Variants in ARHGEF3 observed in about 807,000 individuals in gnomAD.
The protein encoded by ARHGEF3 is 59.8 kDA protein.
Under a neutral mutation model 63.2 loss-of-function variants are expected in ARHGEF3, and 28 were observed. The ratio of observed to expected loss-of-function variants is 0.44; its 90% CI spans 0.33 to 0.61. ARHGEF3 has a LOEUF of 0.61. ARHGEF3 is among the 20% of genes least tolerant of loss of function. ARHGEF3 has a pLI of 0.03. For missense variants in ARHGEF3, 533 were observed against 659.3 expected (o/e 0.81, Z 2.10); for synonymous variants, 266 against 254.2 (o/e 1.05, Z -0.44).
intron 8 of ARHGEF3, among the ~76,000 whole-genome samples, chr3:56,735,856 C>T (rs2033583384): frequency 6.6e-6 from 1 of 152,198 alleles, no homozygotes; most frequent in Non-Finnish European, 1.5e-5. Flanking sequence ...AACATGTACT[C>T]ACTAATTTCA....
chr3:57,073,989 A>T (rs1192671150), intron 1 of ARHGEF3: 1 of 1,614,236 alleles, frequency 6.2e-7, no homozygotes, highest in African/African-American at 1.3e-5. Flanking sequence ...TGTATCCCAA[A>T]TAAATCTTCT....
At chr3:56,785,541 T>G (rs1386936850) in intron 1 of ARHGEF3, among the ~76,000 whole-genome samples, 1 of 152,184 alleles carries the variant, frequency 6.6e-6, no homozygotes, top group Non-Finnish European at 1.5e-5. Context: ...AAGGTGAAAC[T>G]TCACAAAAAT....
At chr3:57,010,877 T>C (rs988993607) in intron 2 of ARHGEF3, among the ~76,000 whole-genome samples, 2 of 152,122 alleles carry the variant, frequency 1.3e-5, no homozygotes, top group Non-Finnish European at 2.9e-5. Flanking sequence ...TCACTCCTAA[T>C]TTACACACAC....
chr3:56,882,626 C>A (rs1244810902), intron 3 of ARHGEF3, among the ~76,000 whole-genome samples: 1 of 149,594 alleles, frequency 6.7e-6, no homozygotes, highest in South Asian at 2.1e-4. Flanking sequence ...TCAAGCGATT[C>A]TCCTGCCTCA....
In ARHGEF3 at chr3:56,737,171, G is replaced by C. The variant is rs371607423; in HGVS notation, c.1041+14C>G. On this transcript the variant is annotated intron_variant, in intron 8 of 9. Coordinates refer to ENST00000296315, the MANE Select transcript of ARHGEF3 (RefSeq NM_019555.3). ...GGAGGCGGATAAGACTGCTTAAAGGGAGTAACTACTTACCACGCCCCGATT... is the reference window on the plus strand; with the variant it reads ...GGAGGCGGATAAGACTGCTTAAAGGCAGTAACTACTTACCACGCCCCGATT... 6.2e-7 allele frequency: 1 copy of C among 1,609,840 alleles called. No individual in the cohort carries two copies. The highest frequency in any genetic ancestry group is 8.5e-7 in the Non-Finnish European group (1 of 1,177,234).
At chr3:56,823,125 G>A (rs1678572018) in intron 4 of ARHGEF3, among the ~76,000 whole-genome samples, 2 of 152,140 alleles carry the variant, frequency 1.3e-5, no homozygotes, top group Non-Finnish European at 2.9e-5. Flanking sequence ...ACCTCTGCTA[G>A]GAATTCACCT....
intron 1 of ARHGEF3, among the ~76,000 whole-genome samples, chr3:57,064,492 G>A (rs1168035989): frequency 6.6e-6 from 1 of 151,958 alleles, no homozygotes; most frequent in Non-Finnish European, 1.5e-5. Context: ...CCAGCAAATT[G>A]CTGTATTTTT....
At chr3:56,741,982 G>C (rs1463677421) in intron 7 of ARHGEF3, among the ~76,000 whole-genome samples, 1 of 152,172 alleles carries the variant, frequency 6.6e-6, no homozygotes, top group Non-Finnish European at 1.5e-5. Flanking sequence ...GAGATGATGA[G>C]AGATACCTGG....
At chr3:56,757,169 C>G (rs1043864753) in intron 2 of ARHGEF3, among the ~76,000 whole-genome samples, 3 of 152,098 alleles carry the variant, frequency 2.0e-5, no homozygotes, top group Non-Finnish European at 4.4e-5. Flanking sequence ...AACATAAGGG[C>G]ATTGTTAAAT....
chr3:56,904,937 C>T (rs2041637811), intron 3 of ARHGEF3, among the ~76,000 whole-genome samples: 1 of 152,198 alleles, frequency 6.6e-6, no homozygotes, highest in African/African-American at 2.4e-5. Context: ...TCCCATCTAG[C>T]TAGTCATGCA....
intron 4 of ARHGEF3, among the ~76,000 whole-genome samples, chr3:56,842,569 G>A (rs187046952): frequency 9.2e-5 from 14 of 152,168 alleles, no homozygotes; most frequent in African/African-American, 2.6e-4. Flanking sequence ...AGTTTCTTCT[G>A]GTACCCTTCT....
chr3:57,028,570 A>G (rs1293654577), intron 2 of ARHGEF3, among the ~76,000 whole-genome samples: 6 of 116,496 alleles, frequency 5.2e-5, no homozygotes, highest in Non-Finnish European at 1.1e-4. Flanking sequence ...GAGGGATAGC[A>G]TTGGGAGATA....
intron 1 of ARHGEF3, chr3:57,076,974 G>C (rs1706250258): frequency 6.6e-6 from 1 of 151,942 alleles, no homozygotes; most frequent in Non-Finnish European, 1.5e-5. Context: ...GAAACTAATG[G>C]GGGAGGGGCT....
chr3:57,027,425 G>C (rs985906143), intron 2 of ARHGEF3, among the ~76,000 whole-genome samples: 2 of 152,172 alleles, frequency 1.3e-5, no homozygotes, highest in Non-Finnish European at 2.9e-5. Context: ...CCCACTCTTG[G>C]AGCAGCCACA....
intron 1 of ARHGEF3, chr3:57,073,939 G>A (rs1368765086): frequency 1.2e-6 from 2 of 1,614,080 alleles, no homozygotes; most frequent in South Asian, 2.2e-5. Flanking sequence ...AGTGAGACCT[G>A]TCAGAGATAT....
chr3:56,854,748 G>T (rs909923153), intron 4 of ARHGEF3, among the ~76,000 whole-genome samples: 3 of 142,796 alleles, frequency 2.1e-5, no homozygotes, highest in African/African-American at 7.6e-5. Flanking sequence ...GTACTATTTG[G>T]GGGGATGCAA....
intron 3 of ARHGEF3, among the ~76,000 whole-genome samples, chr3:56,953,549 G>C (rs1398735470): frequency 6.6e-6 from 1 of 152,172 alleles, no homozygotes. Flanking sequence ...AGTGGCTCCA[G>C]TGGAGCTACC....
intron 1 of ARHGEF3, among the ~76,000 whole-genome samples, chr3:56,795,152 C>A (rs988312886): frequency 6.6e-6 from 1 of 151,926 alleles, no homozygotes; most frequent in Non-Finnish European, 1.5e-5. Context: ...ATATTTTTGA[C>A]CAATGGTTGG....
chr3:57,035,216 G>A, intron 1 of ARHGEF3: 2 of 1,149,284 alleles, frequency 1.7e-6, no homozygotes, highest in Non-Finnish European at 2.4e-6. Flanking sequence ...TATCATCTAG[G>A]TACATTTATG....
Sources: gnomAD v4.1 joint callset for allele counts (sites outside exome capture counted in the v4.1 genomes callset) on GRCh38, gnomAD v4.1.1 for gene constraint, MANE v1.5 for transcripts, NCBI Gene and HGNC (gene_info 2026-07-23, HGNC 2026-07-21) for gene names.